The following SHC3 variants were observed in gnomAD, a reference collection of about 807,000 sequenced individuals.
SHC3 encodes the protein SHC adaptor protein 3, also known as SHC-transforming protein 3.
In SHC3, 15 loss-of-function variants were observed where a neutral mutation model predicts 60.4. That is an observed-to-expected ratio of 0.25 (90% CI 0.17 to 0.38). SHC3 has a LOEUF of 0.38. SHC3 is among the 10% of genes least tolerant of loss of function. SHC3 has a pLI of 1.00. For synonymous variants in SHC3, 294 were observed against 325.9 expected (o/e 0.90, Z 1.05); for missense variants, 677 against 786.1 (o/e 0.86, Z 1.66).
chr9:89,142,832 T>C (rs1037595490), intron 1 of SHC3, among the ~76,000 whole-genome samples: 13 of 152,044 alleles, frequency 8.6e-5, no homozygotes, highest in Non-Finnish European at 1.5e-4. Context: ...GTACAGATAA[T>C]TTTCCTTCGG....
chr9:89,052,012 C>T (rs1404946396), intron 7 of SHC3, 25 bp downstream of exon 7: 4 of 1,611,266 alleles, frequency 2.5e-6, no homozygotes, highest in Admixed American at 1.7e-5. Context: ...TAGGCTATTG[C>T]AAATGGTGTC....
At chr9:89,054,682 G>A (rs1824920040) in intron 6 of SHC3, among the ~76,000 whole-genome samples, 1 of 152,242 alleles carries the variant, frequency 6.6e-6, no homozygotes. Flanking sequence ...GAAACCAAGA[G>A]AGGTATGCAG....
intron 10 of SHC3, among the ~76,000 whole-genome samples, chr9:89,040,535 G>A (rs1005096696): frequency 1.3e-5 from 2 of 152,030 alleles, no homozygotes; most frequent in African/African-American, 4.8e-5. Context: ...TCCGTGTCCA[G>A]GAGTCATTGG....
chr9:89,129,984 C>A (rs1386979758), intron 1 of SHC3, among the ~76,000 whole-genome samples: 1 of 152,112 alleles, frequency 6.6e-6, no homozygotes, highest in Non-Finnish European at 1.5e-5. Flanking sequence ...ACAGTCAAGA[C>A]CCATCAGTGT....
At chr9:89,016,674 G>T (rs533499350) in intron 11 of SHC3, among the ~76,000 whole-genome samples, 76 of 152,202 alleles carry the variant, frequency 5.0e-4, no homozygotes, top group African/African-American at 1.8e-3. Context: ...ATTCTATGAA[G>T]CCAGCATTAC....
At position 89,178,717 on chromosome 9, in the gene SHC3, GT is replaced by G. The variant is rs920557299; in HGVS notation, c.-258del. On this transcript the variant is annotated 5_prime_UTR_variant, in exon 1 of 12. Transcript: ENST00000375835. This position sits in a 1 kb window ranked among gnomAD's most constrained non-coding sequence, Gnocchi z 6.9. ...GCACGTTTGCTTTGCAAAAGTCATA[GT>G]TGCCTCTGATGGAGCGCCCAGCTGC... The G allele has an allele frequency of 4.1e-5, 15 of 369,462 alleles. No individual in the cohort carries two copies. The highest frequency in any genetic ancestry group is 6.3e-5 in the Non-Finnish European group (13 of 206,298). 22.9% of individuals were successfully genotyped at this position (369,462 alleles called of 1,614,324 possible).
intron 2 of SHC3, among the ~76,000 whole-genome samples, chr9:89,108,631 C>T (rs933530675): frequency 1.6e-4 from 24 of 152,216 alleles, no homozygotes; most frequent in Non-Finnish European, 2.6e-4. Flanking sequence ...ATCTAATTTA[C>T]GGATAAGATT....
At chr9:89,125,588 G>T (rs544640313) in intron 1 of SHC3, among the ~76,000 whole-genome samples, 1 of 152,186 alleles carries the variant, frequency 6.6e-6, no homozygotes, top group Middle Eastern at 3.4e-3. Flanking sequence ...TTAGTCACAG[G>T]ATGAGATAGG....
intron 11 of SHC3, among the ~76,000 whole-genome samples, chr9:89,034,033 T>C (rs191103445): frequency 6.6e-6 from 1 of 152,164 alleles, no homozygotes; most frequent in East Asian, 1.9e-4. Context: ...CCAAATCCAA[T>C]AATGCATTTC....
chr9:89,015,445 T>G (rs571720930), intron 11 of SHC3, among the ~76,000 whole-genome samples: 6 of 152,310 alleles, frequency 3.9e-5, no homozygotes, highest in African/African-American at 1.2e-4. Context: ...GAGCTCAGGG[T>G]GGGGCCTGGA....
At chr9:89,069,771 A>G (rs574419854) in intron 5 of SHC3, among the ~76,000 whole-genome samples, 1 of 152,366 alleles carries the variant, frequency 6.6e-6, no homozygotes, top group East Asian at 1.9e-4. Context: ...CTGCCACAGC[A>G]GGGCAGGGAG....
At chr9:89,127,597 C>T (rs1826182767) in intron 1 of SHC3, among the ~76,000 whole-genome samples, 1 of 152,074 alleles carries the variant, frequency 6.6e-6, no homozygotes, top group Non-Finnish European at 1.5e-5. Context: ...ACGTTTTTGA[C>T]TTTGGAGGGT....
At chr9:89,036,094 A>G (rs1824574206) in intron 11 of SHC3, among the ~76,000 whole-genome samples, 1 of 152,104 alleles carries the variant, frequency 6.6e-6, no homozygotes, top group Non-Finnish European at 1.5e-5. Flanking sequence ...GCATCCCATG[A>G]AAGACTTCTA....
At chr9:89,039,985 A>T (rs1824649201) in intron 10 of SHC3, among the ~76,000 whole-genome samples, 1 of 151,182 alleles carries the variant, frequency 6.6e-6, no homozygotes, top group Admixed American at 6.6e-5. Flanking sequence ...CACCATCAGC[A>T]CTATCACCAT....
chr9:89,151,257 T>C (rs1259664780), intron 1 of SHC3, among the ~76,000 whole-genome samples: 2 of 152,186 alleles, frequency 1.3e-5, no homozygotes, highest in South Asian at 2.1e-4. Flanking sequence ...TCTGAAGAAA[T>C]GTCTATTCAA....
intron 2 of SHC3, among the ~76,000 whole-genome samples, chr9:89,079,494 T>C (rs1825412882): frequency 6.6e-6 from 1 of 152,204 alleles, no homozygotes; most frequent in East Asian, 1.9e-4. Flanking sequence ...TAAATATTCC[T>C]GATAAGCACC....
rs146543700 is a variant in SHC3, at chr9:89,128,240, T to G, written c.475-15614A>C. Among the ~76,000 whole-genome samples the G allele has an allele frequency of 3.2e-3, 493 of 152,312 alleles. 2 individuals carry two copies. The highest frequency in any genetic ancestry group is 0.011 in the African/African-American group (469 of 41,592). ...AGTAAAATTAAATTGTCTTCAAAATTTAGACATTTGGTCTAAATTACACAA... is the reference window on the plus strand; with the variant it reads ...AGTAAAATTAAATTGTCTTCAAAATGTAGACATTTGGTCTAAATTACACAA... On this transcript the variant is annotated intron_variant, in intron 1 of 11. Transcript: ENST00000375835.
At chr9:89,147,799 T>A (rs948715506) in intron 1 of SHC3, among the ~76,000 whole-genome samples, 1 of 151,920 alleles carries the variant, frequency 6.6e-6, no homozygotes, top group Non-Finnish European at 1.5e-5. Flanking sequence ...ATTCCCTTCC[T>A]CCCTGATGAT....
intron 2 of SHC3, among the ~76,000 whole-genome samples, chr9:89,088,425 T>C (rs1180806531): frequency 6.6e-6 from 1 of 152,186 alleles, no homozygotes; most frequent in Non-Finnish European, 1.5e-5. Context: ...CTTGAACACA[T>C]ATTCTCAGGA....
Sources: gnomAD v4.1 joint callset for allele counts (sites outside exome capture counted in the v4.1 genomes callset) on GRCh38, gnomAD v4.1.1 for gene constraint, Gnocchi (gnomAD v3.1) non-coding constraint, MANE v1.5 for transcripts, NCBI Gene and HGNC (gene_info 2026-07-23, HGNC 2026-07-21) for gene names.